The following MEI1 variants were observed in gnomAD, a reference collection of about 807,000 sequenced individuals.
MEI1 encodes meiosis inhibitor protein 1.
In MEI1, 103 loss-of-function variants were observed where a neutral mutation model predicts 146.2. That is an observed-to-expected ratio of 0.70 (90% confidence interval 0.60 to 0.83). MEI1 has a LOEUF of 0.83. MEI1 is among the 40% of genes least tolerant of loss of function. The probability of loss-of-function intolerance (pLI) is 0.00; values close to 1 mark genes in which losing one functional copy is unlikely to be tolerated. For missense variants in MEI1, 1,529 were observed against 1,533.0 expected (o/e 1.00, Z 0.04); for synonymous variants, 652 against 628.2 (o/e 1.04, Z -0.57).
chr22:41,734,180 A>G (rs1024375437), intron 11 of MEI1, among the ~76,000 whole-genome samples: 1 of 152,030 alleles, frequency 6.6e-6, no homozygotes, highest in African/African-American at 2.4e-5. Context: ...GAGGATGTGC[A>G]TAGGTTATAT....
chr22:41,706,486 A>G (rs2069104837), intron 3 of MEI1, among the ~76,000 whole-genome samples: 1 of 152,198 alleles, frequency 6.6e-6, no homozygotes, highest in Non-Finnish European at 1.5e-5. Flanking sequence ...AAAGGCACAT[A>G]CAAAACTCTT....
In MEI1 at chr22:41,770,947, C is replaced by T; in HGVS notation, c.2530C>T (p.Leu844=). 6.2e-7 allele frequency: 1 copy of T among 1,613,246 alleles called. No individual in the cohort carries two copies. The highest frequency in any genetic ancestry group is 1.7e-4 in the Middle Eastern group (1 of 6,060). ...FQLLRSIPSI[L]LILLDLIYSS... The stretch of plus-strand genomic sequence containing the variant: ...GTTGCTCAGAAGCATCCCCAGCATC[C>T]TGCTCATCTTGCTGGTAGGCAACCA... Residue 844 remains leucine (L), a synonymous_variant, in exon 20 of 31, where the codon CTG becomes TTG. Coordinates refer to ENST00000401548, the MANE Select transcript of MEI1 (RefSeq NM_152513.4).
chr22:41,764,250 G>A (rs1209177273), intron 19 of MEI1, among the ~76,000 whole-genome samples: 1 of 152,178 alleles, frequency 6.6e-6, no homozygotes, highest in Admixed American at 6.5e-5. Context: ...GTGAGCCACC[G>A]TGCCCGGCTG....
chr22:41,753,488 A>G (rs538042896), intron 16 of MEI1: 13 of 157,606 alleles, frequency 8.2e-5, no homozygotes, highest in South Asian at 7.6e-4. Context: ...AAAAAAACAC[A>G]AAAAGCCCCA....
At chr22:41,713,877 G>T in intron 3 of MEI1, 125 bp from the exon 4 acceptor site, 1 of 739,668 alleles carries the variant, frequency 1.4e-6, no homozygotes, top group Non-Finnish European at 2.2e-6. Flanking sequence ...GGAAGAAATA[G>T]AAAAGTATAA....
chr22:41,795,690 T>A lies in MEI1; in HGVS notation c.3667-45T>A. 1 of 1,597,644 alleles carries A rather than the reference T, an allele frequency of 6.3e-7. No individual in the cohort carries two copies. On this transcript the variant is annotated intron_variant, in intron 29 of 30. Transcript: ENST00000401548. The surrounding 1 kb of genome is among the most constrained non-coding windows in gnomAD (Gnocchi z 4.2). Reference sequence around the variant, plus strand: ...GGAGGCAGTTAGGGCCTGTGTGGAATGGGCACTGAGGAGGCCTGTCTTCCC... The same window carrying A: ...GGAGGCAGTTAGGGCCTGTGTGGAAAGGGCACTGAGGAGGCCTGTCTTCCC...
At chr22:41,752,355 C>G in intron 15 of MEI1, 1 of 517,144 alleles carries the variant, frequency 1.9e-6, no homozygotes, top group South Asian at 2.5e-5. Flanking sequence ...TAGATGTTCT[C>G]CATACATTTA....
At chr22:41,730,039 A>G (rs534913611) in intron 8 of MEI1, among the ~76,000 whole-genome samples, 4 of 152,340 alleles carry the variant, frequency 2.6e-5, no homozygotes, top group South Asian at 2.1e-4. Flanking sequence ...TCAAGGGACT[A>G]TTATGAGCAG....
intron 1 of MEI1, among the ~76,000 whole-genome samples, chr22:41,701,030 C>G (rs2147184954): frequency 6.6e-6 from 1 of 151,506 alleles, no homozygotes; most frequent in Non-Finnish European, 1.5e-5. Flanking sequence ...ACCTCCGCCT[C>G]CCGGGTTCAA....
In MEI1 at chr22:41,784,677, C is replaced by T; in HGVS notation, c.3239C>T (p.Pro1080Leu). The change falls in exon 26 of 31, where the codon CCC becomes CTC. Residue 1080 changes from proline to leucine, a missense_variant. By Grantham distance (98) the Pro-to-Leu change is moderately conservative (BLOSUM62 -3). Transcript: ENST00000401548. ...TCCTCTGCCCTGGTAGCCCTGGTGC[C>T]CTCAGGGGCCCAGCCACTGCCAGCC... is the stretch of plus-strand genomic sequence containing the variant. Reference protein sequence around the residue: ...SFSSALVALVPSGAQPLPATK... With the variant: ...SFSSALVALVLSGAQPLPATK... 6.2e-7 allele frequency: 1 copy of T among 1,613,620 alleles called. No homozygotes were observed. The highest frequency in any genetic ancestry group is 8.5e-7 in the Non-Finnish European group (1 of 1,179,856).
intron 20 of MEI1, among the ~76,000 whole-genome samples, chr22:41,775,066 C>T (rs1340574590): frequency 1.3e-5 from 2 of 152,220 alleles, no homozygotes; most frequent in African/African-American, 4.8e-5. Flanking sequence ...ATTAGCCTGT[C>T]CAAAGGAATT....
At chr22:41,722,879 G>A (rs1467240282) in intron 6 of MEI1, among the ~76,000 whole-genome samples, 1 of 152,066 alleles carries the variant, frequency 6.6e-6, no homozygotes, top group Non-Finnish European at 1.5e-5. Context: ...ACACTTTGGT[G>A]ACTTACCATG....
At chr22:41,750,026 G>C (rs1026243545) in intron 15 of MEI1, among the ~76,000 whole-genome samples, 1 of 152,158 alleles carries the variant, frequency 6.6e-6, no homozygotes, top group Non-Finnish European at 1.5e-5. Flanking sequence ...TATAGGTATA[G>C]AAATCTTCAG....
chr22:41,767,897 G>A (rs1477602776), intron 19 of MEI1, among the ~76,000 whole-genome samples: 1 of 152,172 alleles, frequency 6.6e-6, no homozygotes, highest in African/African-American at 2.4e-5. Flanking sequence ...GCTTTGTGGA[G>A]GAGATGGAGG....
intron 26 of MEI1, among the ~76,000 whole-genome samples, chr22:41,788,450 G>T (rs562632037): frequency 1.5e-4 from 22 of 148,626 alleles, no homozygotes; most frequent in African/African-American, 5.5e-4. Flanking sequence ...GTTTTGTTTT[G>T]TTTTTTTTGA....
intron 19 of MEI1, among the ~76,000 whole-genome samples, chr22:41,764,013 C>T (rs1011906708): frequency 6.7e-4 from 90 of 133,482 alleles, no homozygotes; most frequent in Admixed American, 9.2e-5. Context: ...GTGGCAGGAT[C>T]GCTGTGGCAG....
intron 11 of MEI1, among the ~76,000 whole-genome samples, chr22:41,733,183 C>T (rs145080143): frequency 0.016 from 2,463 of 152,120 alleles, 48 homozygotes; most frequent in Admixed American, 0.059. Context: ...GACATGGTGG[C>T]TCACACCTGT....
intron 15 of MEI1, among the ~76,000 whole-genome samples, chr22:41,751,968 G>A (rs1428005310): frequency 6.6e-6 from 1 of 152,032 alleles, no homozygotes; most frequent in African/African-American, 2.4e-5. Flanking sequence ...TACTCAGGAG[G>A]CTGAGGCAGG....
chr22:41,703,377 T>C lies in MEI1; in HGVS notation c.221T>C (p.Val74Ala). The C allele has an allele frequency of 6.2e-7, 1 of 1,612,356 alleles. No homozygotes were observed. The highest frequency in any genetic ancestry group is 2.2e-5 in the East Asian group (1 of 44,862). The stretch of plus-strand genomic sequence containing the variant: ...TTGTCCTGCTTCCAAGATGCCCTTG[T>C]GAGGCATACCTCCCTGGTCACGCAA... The part of the protein sequence containing the change: ...HMLSCFQDAL[V>A]RHTSLVTQLV... The change falls in exon 2 of 31, where the codon GTG becomes GCG. Residue 74 changes from valine to alanine, a missense_variant. Val to Ala is a moderately conservative substitution (Grantham distance 64, BLOSUM62 0). Around this residue, in one of 3 missense-constraint regions of MEI1, gnomAD observed 1,212 missense variants for 1,178.9 expected, o/e 1.03. Coordinates refer to ENST00000401548, the MANE Select transcript of MEI1 (RefSeq NM_152513.4).
Sources: gnomAD v4.1 joint callset for allele counts (sites outside exome capture counted in the v4.1 genomes callset) on GRCh38, gnomAD v4.1.1 for gene constraint, gnomAD v4.1.1 regional missense constraint, Gnocchi (gnomAD v3.1) non-coding constraint, MANE v1.5 for transcripts, NCBI Gene and HGNC (gene_info 2026-07-23, HGNC 2026-07-21) for gene names.